Variants in DDX60 observed in about 807,000 individuals in gnomAD.
DDX60 encodes DExD/H-box helicase 60, also known as probable ATP-dependent RNA helicase DDX60.
A neutral mutation model predicts 212.8 loss-of-function variants in DDX60; 165 were observed. That is an observed-to-expected ratio of 0.78 (90% CI 0.68 to 0.88). The LOEUF (loss-of-function observed/expected upper bound fraction) is 0.88, where lower values mean the gene tolerates loss of function less well. Ranked by LOEUF, DDX60 falls within the 40% of genes least tolerant of loss-of-function variation. The probability of loss-of-function intolerance (pLI) is 0.00; values close to 1 mark genes in which losing one functional copy is unlikely to be tolerated. For missense variants in DDX60, 1,905 were observed against 2,003.9 expected (o/e 0.95, Z 0.94); for synonymous variants, 703 against 685.3 (o/e 1.03, Z -0.40).
At chr4:168,252,697 TAATG>T in intron 26 of DDX60, 41 bp from the exon 27 acceptor site, 2 of 1,502,830 alleles carry the variant, frequency 1.3e-6, no homozygotes, top group African/African-American at 1.4e-5. Context: ...AAATTGTAAA[TAATG>T]AATGAAGTAA....
rs1410499420 is a variant in DDX60 at position 168,220,721 on chromosome 4, A to G, written c.4977-4T>C. 11 of 1,400,746 alleles carry G rather than the reference A, an allele frequency of 7.9e-6. No homozygotes were observed. The highest frequency in any genetic ancestry group is 1.0e-5 in the Non-Finnish European group (11 of 1,063,942). 86.8% of individuals were successfully genotyped at this position (1,400,746 alleles called of 1,614,324 possible). A position where few individuals can be genotyped will look rare whatever the true frequency, so the allele number is the denominator to read the frequency against. On this transcript the variant is annotated splice_polypyrimidine_tract_variant and splice_region_variant and intron_variant, in intron 36 of 37. Transcript: ENST00000393743. ...ATAAGCATCTCCTTCATTCATCCTA[A>G]AGAAAACAACATTTTGAAAATTAAT...
intron 6 of DDX60, among the ~76,000 whole-genome samples, chr4:168,297,014 G>A (rs921997459): frequency 1.1e-4 from 17 of 151,578 alleles, no homozygotes; most frequent in Middle Eastern, 3.4e-3. Context: ...AGGTTCACGC[G>A]ATTCTCCTGC....
At chr4:168,242,798 GT>G (rs1318765971) in intron 30 of DDX60, among the ~76,000 whole-genome samples, 1 of 152,072 alleles carries the variant, frequency 6.6e-6, no homozygotes, top group Non-Finnish European at 1.5e-5. Context: ...GGCATGATTG[GT>G]TTTGAAATGT....
rs766541482 is a variant in DDX60, at chr4:168,252,564, T to C, written c.3650A>G (p.Asn1217Ser). 15 of 1,613,922 alleles carry C rather than the reference T, an allele frequency of 9.3e-6. No individual in the cohort carries two copies. Among genetic ancestry groups the C allele is most frequent in the Non-Finnish European group, 1.3e-5 (15 of 1,179,964 alleles). The change falls in exon 27 of 38, where the codon AAC (asparagine) becomes AGC (serine). Residue 1217 changes from asparagine to serine, a missense_variant. Transcript: ENST00000393743. ...TGTGCAGTCCTGTGGGATTTCCAGGTTCTTCTCTAGACACTTCACTAGATT... is the reference window on the plus strand; with the variant it reads ...TGTGCAGTCCTGTGGGATTTCCAGGCTCTTCTCTAGACACTTCACTAGATT... ...HDNLVKCLEK[N>S]LEIPQDCTYA...
Position 168,236,322 on chromosome 4 carries a change from G to A in DDX60, c.4463C>T (p.Ala1488Val). 1 of 1,610,356 alleles carries A rather than the reference G, an allele frequency of 6.2e-7. No homozygotes were observed. The highest frequency in any genetic ancestry group is 8.5e-7 in the Non-Finnish European group (1 of 1,177,958). ...DVMEKLVLVL[A>V]HLFGRRYFPP... ...AAAATATCTTCTTCCAAAGAGATGT[G>A]CCAATACTAATACTAGCTTTTCCAT... The change falls in exon 33 of 38, where the codon GCA (alanine) becomes GTA (valine). Residue 1488 changes from alanine to valine, a missense_variant. By Grantham distance (64) the Ala-to-Val change is moderately conservative. Coordinates refer to ENST00000393743, the MANE Select transcript of DDX60 (RefSeq NM_017631.6).
At chr4:168,240,426 C>T (rs764755123) in intron 30 of DDX60, among the ~76,000 whole-genome samples, 9 of 152,042 alleles carry the variant, frequency 5.9e-5, no homozygotes, top group Non-Finnish European at 1.2e-4. Flanking sequence ...AGTGCTATTC[C>T]CATTAAACTA....
In DDX60 at chr4:168,287,110, T is replaced by G. The variant is rs1465697480; in HGVS notation, c.1277A>C (p.Gln426Pro). The G allele has an allele frequency of 6.2e-7, 1 of 1,612,730 alleles. No homozygotes were observed. The highest frequency in any genetic ancestry group is 8.5e-7 in the Non-Finnish European group (1 of 1,179,566). Residue 426 changes from glutamine (Q) to proline (P), a missense_variant, in exon 10 of 38, where the codon CAG becomes CCG. Transcript: ENST00000393743. Reference sequence around the variant, plus strand: ...TTTTGTTGTTCTCAGAGGAAATGGCTGTCCAACCTCAAAGTCTCTGACCAA... The same window carrying G: ...TTTTGTTGTTCTCAGAGGAAATGGCGGTCCAACCTCAAAGTCTCTGACCAA... ...SKLVRDFEVGQPFPLRTTKVC... is the reference protein window; with the variant it reads ...SKLVRDFEVGPPFPLRTTKVC...
chr4:168,278,938 A>G (rs995970521), intron 14 of DDX60, among the ~76,000 whole-genome samples: 6 of 152,202 alleles, frequency 3.9e-5, no homozygotes, highest in African/African-American at 1.4e-4. Context: ...AAGAAAGGAT[A>G]CCATCCAAAG....
At chr4:168,286,973 C>T (rs1339524801) in intron 10 of DDX60, 75 bp downstream of exon 10, 4 of 1,129,898 alleles carry the variant, frequency 3.5e-6, no homozygotes, top group Non-Finnish European at 4.9e-6. Flanking sequence ...ACTTGCAGCA[C>T]TGAATTAGTG....
chr4:168,315,312 T>C (rs1460414448), intron 1 of DDX60, among the ~76,000 whole-genome samples: 2 of 152,186 alleles, frequency 1.3e-5, no homozygotes, highest in Non-Finnish European at 1.5e-5. Flanking sequence ...AAAGGGAAAA[T>C]AATTTGAACT....
chr4:168,247,692 T>C (rs1469433909), intron 29 of DDX60, among the ~76,000 whole-genome samples: 2 of 152,140 alleles, frequency 1.3e-5, no homozygotes, highest in Non-Finnish European at 2.9e-5. Flanking sequence ...TGAAAGATGG[T>C]GGATACAGAA....
At position 168,275,371 on chromosome 4, in the gene DDX60, G is replaced by A. The variant is rs780328856; in HGVS notation, c.2278C>T (p.Gln760Ter). 1.2e-6 allele frequency: 2 copies of A among 1,610,366 alleles called. No homozygotes were observed. Among genetic ancestry groups the A allele is most frequent in the East Asian group, 2.2e-5 (1 of 44,788 alleles). Residue 760 changes from glutamine (Q) to a stop codon, truncating the protein, a stop_gained, in exon 16 of 38, where the codon CAG becomes TAG. Coordinates refer to ENST00000393743, the MANE Select transcript of DDX60 (RefSeq NM_017631.6). LOFTEE classifies it high-confidence loss of function. ...DERKDPDPRV[Q>*]DFIPDTWQRE... ...TGCCATGTGTCGGGAATAAAATCCT[G>A]GACCCTGGGATCTGGGTCTTTTCTC...
At position 168,224,319 on chromosome 4, in the gene DDX60, C is replaced by T. The variant is rs750654165; in HGVS notation, c.4748G>A (p.Arg1583Lys). Residue 1583 changes from arginine to lysine, a missense_variant, in exon 35 of 38, where the codon AGA (arginine) becomes AAA (lysine). Physicochemically the swap from Arg to Lys is conservative, Grantham distance 26. Coordinates refer to ENST00000393743, the MANE Select transcript of DDX60 (RefSeq NM_017631.6). ...VSHLMSCKEGRVAISPFVCLS... is the reference protein window; with the variant it reads ...VSHLMSCKEGKVAISPFVCLS... ...ACAAACAAATGGTGAAATTGCTACT[C>T]TTCCTTCCTTGCAGCTCATCAAATG... The T allele has an allele frequency of 2.5e-6, 4 of 1,612,368 alleles. No homozygotes were observed. Among genetic ancestry groups the T allele is most frequent in the Admixed American group, 3.3e-5 (2 of 59,860 alleles).
intron 5 of DDX60, among the ~76,000 whole-genome samples, chr4:168,303,813 C>T (rs1736755999): frequency 6.6e-6 from 1 of 152,116 alleles, no homozygotes. Flanking sequence ...GAAACCCCGT[C>T]TCTACTAAAA....
intron 16 of DDX60, 83 bp downstream of exon 16, chr4:168,275,262 A>G (rs1221427703): frequency 2.4e-6 from 3 of 1,230,252 alleles, no homozygotes; most frequent in Admixed American, 2.7e-5. Flanking sequence ...CAAATATAAC[A>G]TGTACAGCCA....
At chr4:168,252,394 T>G (rs1187365174) in intron 27 of DDX60, 115 bp downstream of exon 27, 11 of 1,247,318 alleles carry the variant, frequency 8.8e-6, no homozygotes, top group Non-Finnish European at 1.1e-5. Context: ...TTGGTAGGGA[T>G]TGTATTAATT....
At chr4:168,269,395 G>A (rs1734992199) in intron 19 of DDX60, among the ~76,000 whole-genome samples, 2 of 152,028 alleles carry the variant, frequency 1.3e-5, no homozygotes, top group Admixed American at 6.6e-5. Context: ...TCAGGAGATC[G>A]AGGCCATCCT....
intron 37 of DDX60, among the ~76,000 whole-genome samples, chr4:168,219,911 C>T (rs929740409): frequency 9.2e-5 from 14 of 151,974 alleles, no homozygotes. Flanking sequence ...TGACACATGC[C>T]TGTAATCCCA....
intron 16 of DDX60, among the ~76,000 whole-genome samples, 170 bp downstream of exon 16, chr4:168,275,175 C>A (rs534443782): frequency 1.9e-4 from 29 of 152,152 alleles, no homozygotes; most frequent in Non-Finnish European, 4.0e-4. Flanking sequence ...AAGAAAATCT[C>A]ACTTTCTTTA....
Sources: allele counts gnomAD v4.1 joint callset (sites outside exome capture counted in the v4.1 genomes callset), GRCh38; gene constraint gnomAD v4.1.1; transcripts MANE v1.5; gene names NCBI Gene and HGNC (gene_info 2026-07-23, HGNC 2026-07-21).